MACC1: variants seen among roughly 807,000 people sequenced by gnomAD.
MACC1 encodes metastasis-associated in colon cancer protein 1.
Under a neutral mutation model 70.7 loss-of-function variants are expected in MACC1, and 79 were observed. That is an observed-to-expected ratio of 1.12 (90% CI 0.93 to 1.35). The LOEUF (loss-of-function observed/expected upper bound fraction) is 1.35, where lower values mean the gene tolerates loss of function less well. Among genes scored for constraint, MACC1 ranks in the 40% most tolerant of loss-of-function variants. MACC1 has a pLI of 0.00. For synonymous variants in MACC1, 361 were observed against 347.2 expected (o/e 1.04, Z -0.44); for missense variants, 1,106 against 978.1 (o/e 1.13, Z -1.74).
At position 20,136,940 on chromosome 7, in the gene MACC1, T is replaced by C. The variant is rs1402684197; in HGVS notation, c.*4006A>G. The stretch of plus-strand genomic sequence containing the variant: ...TATTAATTATAATATTAAATTATAA[T>C]TATTAATTCTTAAAGATTATGAATT... On this transcript the variant is annotated 3_prime_UTR_variant, in exon 7 of 7. Transcript: ENST00000400331. 1 of 144,656 alleles carries C rather than the reference T, an allele frequency of 6.9e-6. No individual in the cohort carries two copies. Among genetic ancestry groups the C allele is most frequent in the Non-Finnish European group, 1.5e-5 (1 of 64,926 alleles). The allele number at this position is 144,656 out of a possible 1,614,324, so 9.0% of individuals were successfully genotyped here.
At chr7:20,194,564 T>C (rs183060444) in intron 1 of MACC1, among the ~76,000 whole-genome samples, 1 of 152,366 alleles carries the variant, frequency 6.6e-6, no homozygotes, top group East Asian at 1.9e-4. Flanking sequence ...TGGCTCAGCC[T>C]CAACCTCTTG....
chr7:20,138,820 CT>C lies in MACC1; in HGVS notation c.*2125del, dbSNP rs1475548881. 6.6e-6 allele frequency: 1 copy of C among 152,008 alleles called. No individual in the cohort carries two copies. The highest frequency in any genetic ancestry group is 2.4e-5 in the African/African-American group (1 of 41,404). The allele number at this position is 152,008 out of a possible 1,614,324, so 9.4% of individuals were successfully genotyped here. A position where few individuals can be genotyped will look rare whatever the true frequency, so the allele number is the denominator to read the frequency against. ...CCTGAGTAGCTGGGACTACAGGCGCCTGCCACCACGCCCGGCTAATTTTTTG... is the reference window on the plus strand; with the variant it reads ...CCTGAGTAGCTGGGACTACAGGCGCCGCCACCACGCCCGGCTAATTTTTTG... On this transcript the variant is annotated 3_prime_UTR_variant, in exon 7 of 7. Transcript: ENST00000400331.
At chr7:20,207,512 T>A (rs970140317) in intron 1 of MACC1, among the ~76,000 whole-genome samples, 2 of 152,146 alleles carry the variant, frequency 1.3e-5, no homozygotes, top group Non-Finnish European at 2.9e-5. Context: ...AACGCTTTTA[T>A]ATGTTAGGAC....
At position 20,141,032 on chromosome 7, in the gene MACC1, A is replaced by G. The variant is rs1380608946; in HGVS notation, c.2473T>C (p.Trp825Arg). The change falls in exon 7 of 7, where the codon TGG (tryptophan) becomes CGG (arginine). Residue 825 changes from tryptophan to arginine, a missense_variant. Coordinates refer to ENST00000400331, the MANE Select transcript of MACC1 (RefSeq NM_182762.4). ...DRMKNPVTKH[W>R]RELTGVLILV... ...ATTAAAACTCCAGTTAATTCTCTCC[A>G]GTGTTTAGTCACAGGGTTTTTCATT... is the stretch of plus-strand genomic sequence containing the variant. 2 of 1,613,972 alleles carry G rather than the reference A, an allele frequency of 1.2e-6. No homozygotes were observed. Among genetic ancestry groups the G allele is most frequent in the East Asian group, 2.2e-5 (1 of 44,894 alleles).
intron 1 of MACC1, among the ~76,000 whole-genome samples, chr7:20,206,081 T>A (rs1782907497): frequency 6.6e-6 from 1 of 151,704 alleles, no homozygotes. Flanking sequence ...CACATTATCG[T>A]CATCTGCTTG....
intron 3 of MACC1, among the ~76,000 whole-genome samples, chr7:20,163,914 C>T (rs1201379840): frequency 6.6e-6 from 1 of 152,116 alleles, no homozygotes; most frequent in African/African-American, 2.4e-5. Context: ...GTTCACATTT[C>T]CAGTTATTTT....
Position 20,154,388 on chromosome 7 carries a change from C to G in MACC1, c.2158-7G>C. On this transcript the variant is annotated splice_region_variant and splice_polypyrimidine_tract_variant and intron_variant, in intron 5 of 6. Transcript: ENST00000400331. ...AATCCATTTTCAGAAGAGCCTGCAG[C>G]AACAATTACATGTCACAATTAAAAG... 2 of 1,610,604 alleles carry G rather than the reference C, an allele frequency of 1.2e-6. No individual in the cohort carries two copies. The highest frequency in any genetic ancestry group is 1.3e-5 in the African/African-American group (1 of 74,904).
chr7:20,188,663 C>A (rs1024760341), intron 1 of MACC1, among the ~76,000 whole-genome samples: 2 of 152,108 alleles, frequency 1.3e-5, no homozygotes, highest in Admixed American at 6.5e-5. Context: ...CTCTCTCTAA[C>A]ACCTTCTATT....
chr7:20,199,102 A>C (rs918011838), intron 1 of MACC1, among the ~76,000 whole-genome samples: 4 of 152,238 alleles, frequency 2.6e-5, no homozygotes, highest in African/African-American at 9.6e-5. Flanking sequence ...CATCTTAGAC[A>C]CTTGTGCTTT....
chr7:20,140,065 A>T lies in MACC1; in HGVS notation c.*881T>A, dbSNP rs1004781077. 6.6e-6 allele frequency: 1 copy of T among 152,160 alleles called. No homozygotes were observed. The highest frequency in any genetic ancestry group is 2.4e-5 in the African/African-American group (1 of 41,430). The allele number at this position is 152,160 out of a possible 1,614,324, so 9.4% of individuals were successfully genotyped here. ...AGTCCCAAATTAGGCAGGATTAGAG[A>T]GGTCCCAAGATGCTGAAGGGAGCTG... On this transcript the variant is annotated 3_prime_UTR_variant, in exon 7 of 7. Coordinates refer to ENST00000400331, the MANE Select transcript of MACC1 (RefSeq NM_182762.4).
intron 1 of MACC1, among the ~76,000 whole-genome samples, chr7:20,203,652 A>G (rs1782866257): frequency 6.6e-6 from 1 of 152,190 alleles, no homozygotes. Flanking sequence ...TTCAAAAATC[A>G]TTCTCACAAA....
intron 1 of MACC1, among the ~76,000 whole-genome samples, chr7:20,194,025 C>G (rs1782712172): frequency 6.6e-6 from 1 of 152,154 alleles, no homozygotes; most frequent in African/African-American, 2.4e-5. Context: ...GCCAGCGGTT[C>G]TCTGATCTGC....
In MACC1 at chr7:20,174,962, A is replaced by G. The variant is rs932563142; in HGVS notation, c.-217-4184T>C. Among the ~76,000 whole-genome samples, 3 of 152,204 alleles carry G rather than the reference A, an allele frequency of 2.0e-5. No homozygotes were observed. In the East Asian group the frequency reaches 5.8e-4, roughly 29 times the overall value. ...CTAATACTAAATATATCAACCCTTC[A>G]TATGTTGTATATCACATATCCCAAA... On this transcript the variant is annotated intron_variant, in intron 1 of 6. Transcript: ENST00000400331.
At chr7:20,176,378 T>C (rs890672797) in intron 1 of MACC1, among the ~76,000 whole-genome samples, 7 of 152,114 alleles carry the variant, frequency 4.6e-5, no homozygotes, top group African/African-American at 1.7e-4. Context: ...GTCTCACTGC[T>C]GATGATGGCA....
chr7:20,180,041 T>C (rs1372179211), intron 1 of MACC1, among the ~76,000 whole-genome samples: 1 of 152,200 alleles, frequency 6.6e-6, no homozygotes, highest in Non-Finnish European at 1.5e-5. Context: ...AAGCTGCTCA[T>C]CTTGATCAAA....
intron 1 of MACC1, among the ~76,000 whole-genome samples, chr7:20,204,887 T>C (rs1389053277): frequency 6.6e-6 from 1 of 152,206 alleles, no homozygotes; most frequent in Non-Finnish European, 1.5e-5. Flanking sequence ...AAAATGAAGA[T>C]GACCCAGTGA....
chr7:20,164,447 A>T (rs1782183681), intron 2 of MACC1, 48 bp from the exon 3 acceptor site: 1 of 152,232 alleles, frequency 6.6e-6, no homozygotes, highest in East Asian at 1.9e-4. Flanking sequence ...AACAGGGAAA[A>T]GGAATAAAAG....
At chr7:20,152,332 C>A (rs1781992417) in intron 6 of MACC1, among the ~76,000 whole-genome samples, 1 of 152,108 alleles carries the variant, frequency 6.6e-6, no homozygotes, top group South Asian at 2.1e-4. Context: ...CTACCCAGAA[C>A]TAATATCAGT....
At chr7:20,173,065 A>G (rs1313711270) in intron 1 of MACC1, among the ~76,000 whole-genome samples, 1 of 152,192 alleles carries the variant, frequency 6.6e-6, no homozygotes, top group Non-Finnish European at 1.5e-5. Flanking sequence ...CTCTGCATCA[A>G]AATCAATTTC....
Sources: gnomAD v4.1 joint callset for allele counts (sites outside exome capture counted in the v4.1 genomes callset) on GRCh38, gnomAD v4.1.1 for gene constraint, MANE v1.5 for transcripts, NCBI Gene and HGNC (gene_info 2026-07-23, HGNC 2026-07-21) for gene names.